NEK8: variants seen among roughly 807,000 people sequenced by gnomAD.
NEK8 encodes the protein serine/threonine-protein kinase Nek8.
Under a neutral mutation model 77.2 loss-of-function variants are expected in NEK8, and 51 were observed. That is an observed-to-expected ratio of 0.66 (90% CI 0.53 to 0.83). NEK8 has a LOEUF of 0.83. Among genes scored for constraint, NEK8 ranks in the 40% least tolerant of loss-of-function variants. The probability of loss-of-function intolerance (pLI) is 0.00; values close to 1 mark genes in which losing one functional copy is unlikely to be tolerated. For synonymous variants in NEK8, 365 were observed against 363.2 expected (o/e 1.00, Z -0.06); for missense variants, 787 against 909.2 (o/e 0.87, Z 1.73).
chr17:28,728,818 A>C lies in NEK8; in HGVS notation c.5A>C (p.Glu2Ala). The change falls in exon 1 of 15, where the codon GAG becomes GCG. Residue 2 changes from glutamate to alanine, a missense_variant. Physicochemically the swap from Glu to Ala is moderately radical, Grantham distance 107 (BLOSUM62 -1). Coordinates refer to ENST00000268766, the MANE Select transcript of NEK8 (RefSeq NM_178170.3). ...AGTGAAACTCTAAGAAATGAGATGG[A>C]GAAGTACGAGCGGATCCGAGTGGTG... The part of the protein sequence containing the change: M[E>A]KYERIRVVGR... 7 of 1,551,444 alleles carry C rather than the reference A, an allele frequency of 4.5e-6. No homozygotes were observed. The highest frequency in any genetic ancestry group is 6.1e-6 in the Non-Finnish European group (7 of 1,146,778).
In NEK8 at chr17:28,741,426, C is replaced by T. The variant is rs1194931013; in HGVS notation, c.1905C>T (p.Tyr635=). The change falls in exon 14 of 15, where the codon TAC becomes TAT. Residue 635 remains tyrosine, a synonymous_variant. Transcript: ENST00000268766. The surrounding 1 kb of genome is among the most constrained non-coding windows in gnomAD (Gnocchi z 4.5). ...TVAIGAESEV[Y]SWGKGARGRL... ...TCTTCCTGGCAGAGAGCGAAGTGTA[C>T]TCTTGGGGCAAAGGGGCGCGAGGTC... 3.7e-6 allele frequency: 6 copies of T among 1,614,002 alleles called. No homozygotes were observed. In the Admixed American group the frequency reaches 5.0e-5, roughly 13 times the overall value.
chr17:28,734,438 C>T (rs1355772913), intron 2 of NEK8: 11 of 576,076 alleles, frequency 1.9e-5, no homozygotes, highest in South Asian at 1.0e-4. Flanking sequence ...GGGAGGCCAA[C>T]GCCGAGGCGG....
intron 8 of NEK8, 39 bp from the exon 9 acceptor site, chr17:28,738,632 C>T: frequency 6.3e-7 from 1 of 1,578,486 alleles, no homozygotes; most frequent in Non-Finnish European, 8.7e-7. Flanking sequence ...GACTGTTTAA[C>T]TTCTTTCCCT....
In NEK8 at chr17:28,739,155, C is replaced by A. The variant is rs140123861; in HGVS notation, c.1371C>A (p.Ala457=). The change falls in exon 10 of 15, where the codon GCC becomes GCA. Residue 457 remains alanine (A), a synonymous_variant. Transcript: ENST00000268766. ...CCTGTGGGGCCTCTCACGTGCTGGC[C>A]CTGTCCACTGAGCGAGAACTATTTG... ...QVACGASHVL[A]LSTERELFAW... 10 of 1,614,022 alleles carry A rather than the reference C, an allele frequency of 6.2e-6. No individual in the cohort carries two copies. The African/African-American group carries it at 1.1e-4, about 17-fold the overall frequency.
rs766198725 is a variant in NEK8, at chr17:28,738,751, G to A, written c.1299+4G>A. ...CAGCCTCACTGACATCAGCCAGGTG[G>A]GTGTCACATATACCTTGGGAAGGGG... On this transcript the variant is annotated splice_donor_region_variant and intron_variant, in intron 9 of 14. Coordinates refer to ENST00000268766, the MANE Select transcript of NEK8 (RefSeq NM_178170.3). 5 of 1,611,924 alleles carry A rather than the reference G, an allele frequency of 3.1e-6. No individual in the cohort carries two copies. The highest frequency in any genetic ancestry group is 1.7e-5 in the Admixed American group (1 of 60,006).
At chr17:28,728,963 A>G in intron 1 of NEK8, 103 bp downstream of exon 1, 1 of 1,113,482 alleles carries the variant, frequency 9.0e-7, no homozygotes, top group Non-Finnish European at 1.3e-6. Context: ...CCAAGGCGTG[A>G]GCGCCACTCT....
chr17:28,735,501 A>T, intron 4 of NEK8, 130 bp downstream of exon 4: 1 of 1,042,876 alleles, frequency 9.6e-7, no homozygotes, highest in Admixed American at 2.1e-5. Flanking sequence ...ACCCCAGGGG[A>T]GGGCTATGGG....
rs1567761777 is a variant in NEK8, at chr17:28,740,427, A to C, written c.1418-36A>C. The C allele has an allele frequency of 1.2e-6, 2 of 1,611,400 alleles. No individual in the cohort carries two copies. Among genetic ancestry groups the C allele is most frequent in the Non-Finnish European group, 1.7e-6 (2 of 1,177,634 alleles). ...CTCATTCGGGCATCACCCCCACTAA[A>C]GCTCAAATTAACTCCTTCTGGGTTT... On this transcript the variant is annotated intron_variant, in intron 10 of 14. Coordinates refer to ENST00000268766, the MANE Select transcript of NEK8 (RefSeq NM_178170.3). The surrounding 1 kb of genome is among the most constrained non-coding windows in gnomAD (Gnocchi z 4.7).
At position 28,741,673 on chromosome 17, in the gene NEK8, T is replaced by C. The variant is rs2034424680; in HGVS notation, c.2050+102T>C. 7.4e-7 allele frequency: 1 copy of C among 1,358,312 alleles called. No individual in the cohort carries two copies. The highest frequency in any genetic ancestry group is 1.4e-5 in the African/African-American group (1 of 70,052). 84.1% of individuals were successfully genotyped at this position (1,358,312 alleles called of 1,614,324 possible). ...ATGGCCACATCACCAAAAGCATCTT[T>C]AGCCCCCAGATAAAAAAAGCAGAAG... On this transcript the variant is annotated intron_variant, in intron 14 of 14. Transcript: ENST00000268766. This position sits in a 1 kb window ranked among gnomAD's most constrained non-coding sequence, Gnocchi z 4.5.
intron 10 of NEK8, 144 bp downstream of exon 10, chr17:28,739,345 TACACCGACTATGTGC>T: frequency 1.3e-6 from 1 of 749,520 alleles, no homozygotes; most frequent in Non-Finnish European, 2.4e-6. Context: ...ACCTTTATTT[TACACCGACTATGTGC>T]ACACCCTGTG....
In NEK8 at chr17:28,740,433, A is replaced by G. The variant is rs754282241; in HGVS notation, c.1418-30A>G. 17 of 1,613,176 alleles carry G rather than the reference A, an allele frequency of 1.1e-5. No homozygotes were observed. Among genetic ancestry groups the G allele is most frequent in the African/African-American group, 2.7e-5 (2 of 74,868 alleles). Reference sequence around the variant, plus strand: ...CGGGCATCACCCCCACTAAAGCTCAAATTAACTCCTTCTGGGTTTCTTCTT... The same window carrying G: ...CGGGCATCACCCCCACTAAAGCTCAGATTAACTCCTTCTGGGTTTCTTCTT... On this transcript the variant is annotated intron_variant, in intron 10 of 14. Coordinates refer to ENST00000268766, the MANE Select transcript of NEK8 (RefSeq NM_178170.3). This position sits in a 1 kb window ranked among gnomAD's most constrained non-coding sequence, Gnocchi z 4.7.
At chr17:28,735,736 G>T (rs1326683879) in intron 4 of NEK8, among the ~76,000 whole-genome samples, 1 of 152,086 alleles carries the variant, frequency 6.6e-6, no homozygotes, top group African/African-American at 2.4e-5. Flanking sequence ...CTCCTCATCA[G>T]ACTGAAGTCT....
At position 28,741,390 on chromosome 17, in the gene NEK8, C is replaced by G. The variant is rs1298873476; in HGVS notation, c.1892-23C>G. 2 of 1,612,334 alleles carry G rather than the reference C, an allele frequency of 1.2e-6. No individual in the cohort carries two copies. The highest frequency in any genetic ancestry group is 1.7e-6 in the Non-Finnish European group (2 of 1,179,220). On this transcript the variant is annotated intron_variant, in intron 13 of 14. Coordinates refer to ENST00000268766, the MANE Select transcript of NEK8 (RefSeq NM_178170.3). The surrounding 1 kb of genome is among the most constrained non-coding windows in gnomAD (Gnocchi z 4.5). Reference sequence around the variant, plus strand: ...CGGGCTGTGCCCACTTCCCACTTCCCTCCTGGGGATTCTTCCTGGCAGAGA... The same window carrying G: ...CGGGCTGTGCCCACTTCCCACTTCCGTCCTGGGGATTCTTCCTGGCAGAGA...
In NEK8 at chr17:28,741,149, C is replaced by T. The variant is rs773883764; in HGVS notation, c.1804C>T (p.Arg602Trp). 88 of 1,613,982 alleles carry T rather than the reference C, an allele frequency of 5.5e-5. No homozygotes were observed. Among genetic ancestry groups the T allele is most frequent in the South Asian group, 8.8e-5 (8 of 91,078 alleles). ...GGGCACCAATACTCGCCGAGGCAGTCGGGCACCCTGTAAGGTCCAAGGCCT... is the reference window on the plus strand; with the variant it reads ...GGGCACCAATACTCGCCGAGGCAGTTGGGCACCCTGTAAGGTCCAAGGCCT... ...QLGTNTRRGS[R>W]APCKVQGLEG... Residue 602 changes from arginine (R) to tryptophan (W), a missense_variant, in exon 13 of 15, where the codon CGG becomes TGG. Around this residue, in one of 2 missense-constraint regions of NEK8, gnomAD observed 516 missense variants for 544.0 expected, o/e 0.95. Coordinates refer to ENST00000268766, the MANE Select transcript of NEK8 (RefSeq NM_178170.3). The surrounding 1 kb of genome is among the most constrained non-coding windows in gnomAD (Gnocchi z 4.5).
Position 28,738,803 on chromosome 17 carries a change from A to G in NEK8, c.1299+56A>G, listed in dbSNP as rs981806181. 2.1e-6 allele frequency: 3 copies of G among 1,399,476 alleles called. No homozygotes were observed. In the African/African-American group the frequency reaches 4.2e-5, roughly 20 times the overall value. 86.7% of individuals were successfully genotyped at this position (1,399,476 alleles called of 1,614,324 possible). On this transcript the variant is annotated intron_variant, in intron 9 of 14. Transcript: ENST00000268766. ...AGTCGGGGGATGGCGGGGAGCCCAC[A>G]TCTGTGAGTTGACACCAGATTGGGG... is the stretch of plus-strand genomic sequence containing the variant.
intron 1 of NEK8, among the ~76,000 whole-genome samples, chr17:28,729,583 C>T (rs1158259523): frequency 1.5e-5 from 2 of 131,510 alleles, no homozygotes; most frequent in African/African-American, 5.9e-5. Context: ...GTCGCAGTGG[C>T]GCGATCTCGA....
rs144859767 is a variant in NEK8 at position 28,738,700 on chromosome 17, G to A, written c.1252G>A (p.Gly418Ser). 78 of 1,614,040 alleles carry A rather than the reference G, an allele frequency of 4.8e-5. No homozygotes were observed. Among genetic ancestry groups the A allele is most frequent in the Non-Finnish European group, 5.8e-5 (69 of 1,180,010 alleles). ...DRGIIMTFGS[G>S]SNGCLGHGSL... Reference sequence around the variant, plus strand: ...AGGCATCATCATGACATTCGGCAGCGGCAGCAATGGGTGCCTAGGCCATGG... The same window carrying A: ...AGGCATCATCATGACATTCGGCAGCAGCAGCAATGGGTGCCTAGGCCATGG... Residue 418 changes from glycine to serine, a missense_variant, in exon 9 of 15, where the codon GGC becomes AGC. Coordinates refer to ENST00000268766, the MANE Select transcript of NEK8 (RefSeq NM_178170.3).
chr17:28,735,408 TCTA>T (rs764381361), intron 4 of NEK8, 37 bp downstream of exon 4: 1 of 1,603,804 alleles, frequency 6.2e-7, no homozygotes, highest in South Asian at 1.1e-5. Context: ...AACTGAGAAA[TCTA>T]CTGCCTCGCC....
chr17:28,738,623 A>C, intron 8 of NEK8, 48 bp from the exon 9 acceptor site: 1 of 1,553,122 alleles, frequency 6.4e-7, no homozygotes, highest in Non-Finnish European at 8.9e-7. Context: ...ATCTGGAAAG[A>C]CTGTTTAACT....
Sources: allele counts gnomAD v4.1 joint callset (sites outside exome capture counted in the v4.1 genomes callset), GRCh38; gene constraint gnomAD v4.1.1; regional missense constraint gnomAD v4.1.1; non-coding constraint Gnocchi (gnomAD v3.1); transcripts MANE v1.5; gene names NCBI Gene and HGNC (gene_info 2026-07-23, HGNC 2026-07-21).